LINGO1: variants seen among roughly 807,000 people sequenced by gnomAD.
LINGO1 encodes the protein leucine rich repeat and Ig domain containing 1, also known as leucine-rich repeat and immunoglobulin-like domain-containing nogo receptor-interacting protein 1.
LINGO1 carries 11 observed loss-of-function variants against 37.3 expected under a neutral mutation model. The ratio of observed to expected loss-of-function variants is 0.29; its 90% CI spans 0.19 to 0.49. The LOEUF (loss-of-function observed/expected upper bound fraction) is 0.49, where lower values mean the gene tolerates loss of function less well. LINGO1 is among the 20% of genes least tolerant of loss of function. The pLI, the probability that LINGO1 is intolerant of heterozygous loss-of-function variation, is 0.99. For synonymous variants in LINGO1, 387 were observed against 403.0 expected (o/e 0.96, Z 0.48); for missense variants, 585 against 878.2 (o/e 0.67, Z 4.22).
intron 2 of LINGO1, among the ~76,000 whole-genome samples, chr15:77,712,826 C>T (rs1469294508): frequency 3.3e-5 from 5 of 152,194 alleles, no homozygotes; most frequent in African/African-American, 1.2e-4. Flanking sequence ...GGTCTCGCTG[C>T]TGTTAAAGGT....
At chr15:77,708,097 T>C (rs750919156) in intron 2 of LINGO1, among the ~76,000 whole-genome samples, 22 of 152,166 alleles carry the variant, frequency 1.4e-4, no homozygotes, top group Non-Finnish European at 2.5e-4. Flanking sequence ...TTAAAGGACA[T>C]TCAAAAGAAA....
intron 3 of LINGO1, among the ~76,000 whole-genome samples, chr15:77,658,552 A>C (rs2074918248): frequency 6.6e-6 from 1 of 152,262 alleles, no homozygotes; most frequent in Admixed American, 6.5e-5. Context: ...AAGTAATAAC[A>C]GACTGACAAA....
intron 2 of LINGO1, among the ~76,000 whole-genome samples, chr15:77,703,442 T>G (rs1428278208): frequency 2.6e-5 from 4 of 152,160 alleles, no homozygotes; most frequent in African/African-American, 4.8e-5. Flanking sequence ...GGTAGGGTTC[T>G]GGGCCCCTCC....
chr15:77,636,631 G>A (rs781229441), upstream of LINGO1, among the ~76,000 whole-genome samples: 1 of 152,084 alleles, frequency 6.6e-6, no homozygotes, highest in Non-Finnish European at 1.5e-5. Context: ...TGACCTTGAG[G>A]GGGTCACAGC....
intron 1 of LINGO1, among the ~76,000 whole-genome samples, chr15:77,777,378 CAAA>C (rs1392453437): frequency 5.3e-5 from 2 of 37,504 alleles, no homozygotes; most frequent in Non-Finnish European, 1.6e-4. Flanking sequence ...TATACACACA[CAAA>C]TACACACACC....
intron 1 of LINGO1, among the ~76,000 whole-genome samples, chr15:77,777,215 A>G (rs184168941): frequency 7.7e-4 from 118 of 152,284 alleles, no homozygotes; most frequent in Non-Finnish European, 1.6e-4. Context: ...GCGGTCAACC[A>G]GCCAGTGGTG....
intron 1 of LINGO1, among the ~76,000 whole-genome samples, chr15:77,780,083 T>C (rs1039631959): frequency 4.6e-5 from 7 of 152,050 alleles, no homozygotes; most frequent in African/African-American, 1.7e-4. Flanking sequence ...ACAGGATAAG[T>C]AGGAGTTCAC....
At chr15:77,682,330 C>CAGT (rs1483032963) in intron 2 of LINGO1, among the ~76,000 whole-genome samples, 1 of 126,652 alleles carries the variant, frequency 7.9e-6, no homozygotes, top group African/African-American at 3.2e-5. Flanking sequence ...TCGTCTCATA[C>CAGT]AGTACTTGGT....
At chr15:77,679,889 G>C (rs1455101421) in intron 2 of LINGO1, among the ~76,000 whole-genome samples, 1 of 152,182 alleles carries the variant, frequency 6.6e-6, no homozygotes, top group Admixed American at 6.5e-5. Flanking sequence ...GAATAAACAG[G>C]AGTCACAGCC....
Position 77,614,452 on chromosome 15 carries a change from G to C in LINGO1, c.1455C>G (p.Arg485=). 6.2e-7 allele frequency: 1 copy of C among 1,611,196 alleles called. No individual in the cohort carries two copies. The highest frequency in any genetic ancestry group is 1.1e-5 in the South Asian group (1 of 91,090). The change falls in exon 2 of 2, where the codon CGC becomes CGG. Residue 485 remains arginine (R), a synonymous_variant. Coordinates refer to ENST00000355300, the MANE Select transcript of LINGO1 (RefSeq NM_032808.7). ...TGCCGTTGTCCTGTACCTGGGCGTAGCGCACCTCCAGCGTGCCATCAGGGA... is the reference window on the plus strand; with the variant it reads ...TGCCGTTGTCCTGTACCTGGGCGTACCGCACCTCCAGCGTGCCATCAGGGA... ...TVFPDGTLEV[R]YAQVQDNGTY... is the part of the protein sequence containing the mutation.
At position 77,648,033 on chromosome 15, in the gene LINGO1, G is replaced by T. The variant is rs1006633743; in HGVS notation, c.-13+29056C>A. On this transcript the variant is annotated intron_variant, in intron 3 of 3. Coordinates refer to the LINGO1 transcript ENST00000559893. ...GCTTTGTCCTGAGACATCCGGAAAG[G>T]AAAGGGCAGTCAGACAGCAGCCACA... is the stretch of plus-strand genomic sequence containing the variant. 15 of 416,850 alleles carry T rather than the reference G, an allele frequency of 3.6e-5. 1 individual carries two copies. The highest frequency in any genetic ancestry group is 2.9e-4 in the African/African-American group (14 of 49,066). The allele number at this position is 416,850 out of a possible 1,614,324, so 25.8% of individuals were successfully genotyped here.
At chr15:77,717,346 C>T (rs145806675) in intron 2 of LINGO1, among the ~76,000 whole-genome samples, 1 of 150,722 alleles carries the variant, frequency 6.6e-6, no homozygotes, top group Non-Finnish European at 1.5e-5. Flanking sequence ...GGGGGGCAGC[C>T]CCCAGGCGGG....
chr15:77,644,328 C>T (rs185665798), intron 3 of LINGO1, among the ~76,000 whole-genome samples: 37 of 152,304 alleles, frequency 2.4e-4, no homozygotes, highest in Middle Eastern at 3.4e-3. Context: ...CAGCTGTACC[C>T]GGGCTGTGCC....
chr15:77,664,535 A>T (rs905780090), intron 3 of LINGO1, among the ~76,000 whole-genome samples: 2 of 152,114 alleles, frequency 1.3e-5, no homozygotes, highest in Non-Finnish European at 2.9e-5. Flanking sequence ...CCCGGTCAGG[A>T]GAGCAGTGTA....
chr15:77,753,171 G>C (rs571726033), intron 1 of LINGO1, among the ~76,000 whole-genome samples: 1 of 152,192 alleles, frequency 6.6e-6, no homozygotes, highest in Non-Finnish European at 1.5e-5. Context: ...CTCCATCACC[G>C]AACCTGGTAT....
At chr15:77,748,499 C>T (rs912050645) in intron 1 of LINGO1, among the ~76,000 whole-genome samples, 15 of 152,148 alleles carry the variant, frequency 9.9e-5, no homozygotes, top group East Asian at 3.9e-4. Context: ...AGCCTCTGGG[C>T]GTGGCCAACC....
intron 1 of LINGO1, among the ~76,000 whole-genome samples, chr15:77,740,503 C>G (rs1034109012): frequency 1.3e-5 from 2 of 152,164 alleles, no homozygotes; most frequent in Non-Finnish European, 2.9e-5. Flanking sequence ...ACCACGCTGG[C>G]CTGTTATGGG....
chr15:77,806,002 C>T lies in LINGO1; in HGVS notation c.-457-9949G>A, dbSNP rs551371940. Among the ~76,000 whole-genome samples the T allele has an allele frequency of 1.2e-4, 19 of 152,278 alleles. No homozygotes were observed. The South Asian group carries it at 2.7e-3, about 22-fold the overall frequency. ...CTGTGACCCCGGCAGAGGGCTTTGG[C>T]GGGAGTGGGGAGCTAAGCTCGAGGT... On this transcript the variant is annotated intron_variant, in intron 1 of 5. Coordinates refer to the LINGO1 transcript ENST00000562933.
chr15:77,732,436 C>T (rs560224894), intron 2 of LINGO1, among the ~76,000 whole-genome samples: 1 of 152,240 alleles, frequency 6.6e-6, no homozygotes, highest in Non-Finnish European at 1.5e-5. Flanking sequence ...ATGAAGGTAG[C>T]GCTAGCTTGC....
Sources: allele counts gnomAD v4.1 joint callset (sites outside exome capture counted in the v4.1 genomes callset), GRCh38; gene constraint gnomAD v4.1.1; transcripts MANE v1.5; gene names NCBI Gene and HGNC (gene_info 2026-07-23, HGNC 2026-07-21).